BTD: variants seen among roughly 807,000 people sequenced by gnomAD.
The protein encoded by BTD is biotinidase.
Under a neutral mutation model 17.7 loss-of-function variants are expected in BTD, and 13 were observed. That is an observed-to-expected ratio of 0.74 (90% CI 0.48 to 1.17). The LOEUF (loss-of-function observed/expected upper bound fraction) is 1.17. BTD is among the 50% of genes most tolerant of loss of function. The pLI is 0.00. For missense variants in BTD, 674 were observed against 650.4 expected (o/e 1.04, Z -0.39); for synonymous variants, 240 against 245.2 (o/e 0.98, Z 0.20).
intron 3 of BTD, chr3:15,667,649 T>C (rs2066050726): frequency 1.3e-5 from 2 of 152,222 alleles, no homozygotes; most frequent in South Asian, 2.1e-4. Flanking sequence ...CAAATACCAT[T>C]TGAGACAGTA....
intron 3 of BTD, chr3:15,685,996 G>T (rs1381633844): frequency 1.2e-6 from 2 of 1,609,712 alleles, no homozygotes; most frequent in Middle Eastern, 1.7e-4. Context: ...GCATATTTCT[G>T]CTTACCCCTC....
intron 1 of BTD, chr3:15,632,797 A>ACCTC (rs2065246204): frequency 6.6e-6 from 1 of 152,036 alleles, no homozygotes; most frequent in Non-Finnish European, 1.5e-5. Context: ...ACAACTGAGC[A>ACCTC]CCTCCCGCTG....
chr3:15,695,274 T>C, intron 3 of BTD: 1 of 1,224,954 alleles, frequency 8.2e-7, no homozygotes, highest in Non-Finnish European at 1.2e-6. Context: ...ATATTAAGTC[T>C]CAACTTATAT....
downstream of BTD, among the ~76,000 whole-genome samples, chr3:15,654,598 T>A (rs1406242658): frequency 2.1e-5 from 3 of 145,366 alleles, no homozygotes; most frequent in East Asian, 7.2e-4. Context: ...TCCTGCATCC[T>A]TTTTTTTGTT....
chr3:15,696,397 T>C (rs959010773), intron 3 of BTD, among the ~76,000 whole-genome samples: 7 of 152,146 alleles, frequency 4.6e-5, no homozygotes, highest in African/African-American at 1.7e-4. Flanking sequence ...GTCATTTAAA[T>C]GACACTGACT....
Position 15,644,673 on chromosome 3 carries a change from A to C in BTD, c.757A>C (p.Met253Leu). The C allele has an allele frequency of 6.2e-7, 1 of 1,614,166 alleles. No homozygotes were observed. The highest frequency in any genetic ancestry group is 8.5e-7 in the Non-Finnish European group (1 of 1,180,038). Residue 253 changes from methionine (M) to leucine (L), a missense_variant, in exon 4 of 4, where the codon ATG (methionine) becomes CTG (leucine). By Grantham distance (15) the Met-to-Leu change is conservative. Coordinates refer to ENST00000643237, the MANE Select transcript of BTD (RefSeq NM_001370658.1). ...GCATGTTGTGTACCCAACTGCCTGG[A>C]TGAACCAGCTCCCACTCTTGGCAGC... Reference protein sequence around the residue: ...VKHVVYPTAWMNQLPLLAAIE... With the variant: ...VKHVVYPTAWLNQLPLLAAIE...
chr3:15,638,884 C>A (rs1260699343), intron 2 of BTD, among the ~76,000 whole-genome samples: 1 of 152,196 alleles, frequency 6.6e-6, no homozygotes, highest in Non-Finnish European at 1.5e-5. Context: ...TATATGTAAA[C>A]ATAGAAAAGG....
intron 4 of BTD, among the ~76,000 whole-genome samples, chr3:15,720,478 ATC>A (rs1303014442): frequency 6.6e-6 from 1 of 152,204 alleles, no homozygotes; most frequent in African/African-American, 2.4e-5. Flanking sequence ...AGGGTTAAAC[ATC>A]TGTTTAGTAT....
chr3:15,625,601 G>T (rs952341167), intron 1 of BTD, among the ~76,000 whole-genome samples: 8 of 152,146 alleles, frequency 5.3e-5, no homozygotes, highest in Admixed American at 2.0e-4. Context: ...CTCATGCCAG[G>T]CTGGAGTGCA....
intron 4 of BTD, among the ~76,000 whole-genome samples, chr3:15,718,905 G>A (rs969709297): frequency 1.1e-4 from 16 of 152,006 alleles, no homozygotes; most frequent in African/African-American, 9.7e-5. Context: ...GCGCCTTTGA[G>A]GAAAAAACTA....
intron 3 of BTD, among the ~76,000 whole-genome samples, chr3:15,663,463 G>A (rs1575042570): frequency 6.6e-6 from 1 of 152,182 alleles, no homozygotes; most frequent in Non-Finnish European, 1.5e-5. Flanking sequence ...TGGGTCTGGT[G>A]CTTTCTGTTT....
rs1303335775 is a variant in BTD, at chr3:15,653,679, T to C, written c.*8191T>C. On this transcript the variant is annotated 3_prime_UTR_variant, in exon 4 of 4. Coordinates refer to ENST00000643237, the MANE Select transcript of BTD (RefSeq NM_001370658.1). ...AAGAACTCTAATGTTCTAAAGTGAT[T>C]CTTTGATAATTAAAGAAAGATGTAA... 4.0e-5 allele frequency among the ~76,000 whole-genome samples: 6 copies of C among 150,496 alleles called. No individual in the cohort carries two copies. Among genetic ancestry groups the C allele is most frequent in the Non-Finnish European group, 7.4e-5 (5 of 68,022 alleles).
At chr3:15,698,734 T>TA (rs2070069722) in intron 3 of BTD, among the ~76,000 whole-genome samples, 1 of 151,972 alleles carries the variant, frequency 6.6e-6, no homozygotes, top group Non-Finnish European at 1.5e-5. Flanking sequence ...CTCAATGAAA[T>TA]AAAAGAGGAC....
At chr3:15,631,098 A>C (rs2065193252) in intron 1 of BTD, among the ~76,000 whole-genome samples, 1 of 152,230 alleles carries the variant, frequency 6.6e-6, no homozygotes, top group African/African-American at 2.4e-5. Context: ...GAAGTCACGA[A>C]ATTCATGAGA....
upstream of BTD, chr3:15,601,582 G>A (rs772994434): frequency 8.2e-6 from 13 of 1,592,156 alleles, no homozygotes; most frequent in East Asian, 2.5e-4. Context: ...CGGACAGGAG[G>A]GCAACCAACT....
At chr3:15,712,194 G>A in exon 4 of BTD, 1 of 1,586,196 alleles carries the variant, frequency 6.3e-7, no homozygotes, top group Non-Finnish European at 8.6e-7. Context: ...GCTGCCAAAT[G>A]GAGGGGGAAC....
In BTD at chr3:15,635,558, C is replaced by G; in HGVS notation, c.119C>G (p.Ala40Gly). 6.2e-7 allele frequency: 1 copy of G among 1,614,198 alleles called. No homozygotes were observed. Among genetic ancestry groups the G allele is most frequent in the Non-Finnish European group, 8.5e-7 (1 of 1,180,046 alleles). Reference sequence around the variant, plus strand: ...CATCACGAGGCTGAATATTATGTGGCTGCCGTGTATGAGCATCCATCCATC... The same window carrying G: ...CATCACGAGGCTGAATATTATGTGGGTGCCGTGTATGAGCATCCATCCATC... ...ADHHEAEYYV[A>G]AVYEHPSILS... The change falls in exon 2 of 4, where the codon GCT (alanine) becomes GGT (glycine). Residue 40 changes from alanine to glycine, a missense_variant. Ala to Gly is a moderately conservative substitution (Grantham distance 60, BLOSUM62 0). Transcript: ENST00000643237. This position sits in a 1 kb window ranked among gnomAD's most constrained non-coding sequence, Gnocchi z 4.1.
chr3:15,601,925 G>A, intron 1 of BTD, 31 bp downstream of exon 1: 4 of 1,612,582 alleles, frequency 2.5e-6, no homozygotes, highest in Non-Finnish European at 3.4e-6. Context: ...GGCGCGGAGG[G>A]GGTGTGGTAA....
intron 1 of BTD, among the ~76,000 whole-genome samples, chr3:15,628,657 G>A (rs1395943608): frequency 6.6e-6 from 1 of 152,104 alleles, no homozygotes. Context: ...AGCTAGAAGT[G>A]CCCCCACCAT....
Sources: allele counts gnomAD v4.1 joint callset (sites outside exome capture counted in the v4.1 genomes callset), GRCh38; gene constraint gnomAD v4.1.1; non-coding constraint Gnocchi (gnomAD v3.1); transcripts MANE v1.5; gene names NCBI Gene and HGNC (gene_info 2026-07-23, HGNC 2026-07-21).